SPRED1: variants seen among roughly 807,000 people sequenced by gnomAD.
SPRED1 encodes the protein sprouty-related, EVH1 domain-containing protein 1.
A neutral mutation model predicts 52.3 loss-of-function variants in SPRED1; 18 were observed. That is an observed-to-expected ratio of 0.34 (90% CI 0.24 to 0.51). The LOEUF is 0.51. SPRED1 is among the 20% of genes least tolerant of loss of function. The probability of loss-of-function intolerance (pLI) is 0.97; values close to 1 mark genes in which losing one functional copy is unlikely to be tolerated. For synonymous variants in SPRED1, 155 were observed against 179.7 expected (o/e 0.86, Z 1.10); for missense variants, 485 against 551.0 (o/e 0.88, Z 1.20).
In SPRED1 at chr15:38,351,268, G is replaced by T. The variant is rs140644874; in HGVS notation, c.939G>T (p.Thr313=). The change falls in exon 7 of 7, where the codon ACG becomes ACT. Residue 313 remains threonine (T), a synonymous_variant. Transcript: ENST00000299084. ...SSPKDSVVFK[T]QPSSLKIKKS... ...CCAAAGACTCTGTGGTATTTAAGAC[G>T]CAGCCTTCCTCATTAAAAATTAAGA... The T allele has an allele frequency of 1.1e-5, 18 of 1,613,974 alleles. No individual in the cohort carries two copies. The highest frequency in any genetic ancestry group is 1.6e-4 in the Middle Eastern group (1 of 6,084).
intron 1 of SPRED1, among the ~76,000 whole-genome samples, chr15:38,271,090 T>C (rs1894424288): frequency 6.6e-6 from 1 of 152,190 alleles, no homozygotes; most frequent in South Asian, 2.1e-4. Context: ...ACTTAATAAT[T>C]ATTGAGCGAC....
At chr15:38,273,058 G>C (rs1222454744) in intron 1 of SPRED1, among the ~76,000 whole-genome samples, 1 of 151,930 alleles carries the variant, frequency 6.6e-6, no homozygotes. Flanking sequence ...CAATTTTTTT[G>C]TTACAATTGC....
intron 4 of SPRED1, among the ~76,000 whole-genome samples, chr15:38,337,838 C>T (rs1227047532): frequency 6.6e-6 from 1 of 151,736 alleles, no homozygotes; most frequent in Non-Finnish European, 1.5e-5. Flanking sequence ...ACTGATACTA[C>T]TCCTAAAACT....
intron 1 of SPRED1, among the ~76,000 whole-genome samples, chr15:38,270,088 A>C (rs1566849599): frequency 6.6e-6 from 1 of 151,686 alleles, no homozygotes; most frequent in Non-Finnish European, 1.5e-5. Flanking sequence ...TGTATTTTTA[A>C]TAGAGACGGG....
chr15:38,340,531 A>C (rs1283194593), intron 5 of SPRED1, among the ~76,000 whole-genome samples: 3 of 151,024 alleles, frequency 2.0e-5, no homozygotes, highest in Non-Finnish European at 4.4e-5. Context: ...CTTTCTTATA[A>C]TTTTTTTTTC....
intron 1 of SPRED1, among the ~76,000 whole-genome samples, chr15:38,291,620 T>G (rs897916847): frequency 4.6e-5 from 7 of 152,256 alleles, no homozygotes; most frequent in Non-Finnish European, 7.3e-5. Flanking sequence ...TTGACTTCTG[T>G]GCACCCACAG....
chr15:38,304,796 G>A (rs1895217026), intron 2 of SPRED1, among the ~76,000 whole-genome samples: 2 of 151,808 alleles, frequency 1.3e-5, no homozygotes, highest in African/African-American at 2.4e-5. Context: ...CCCTCCTACT[G>A]CTCTTCAATT....
Position 38,253,086 on chromosome 15 carries a change from G to C in SPRED1, c.-100G>C. On this transcript the variant is annotated 5_prime_UTR_variant, in exon 1 of 7. Coordinates refer to ENST00000299084, the MANE Select transcript of SPRED1 (RefSeq NM_152594.3). ...GAGGCCCCTGTGCCGCTGCCCCCGC[G>C]CCCCCCCGGCCGCCGCTGCCTCCTG... is the stretch of plus-strand genomic sequence containing the variant. 1 of 999,210 alleles carries C rather than the reference G, an allele frequency of 1.0e-6. No homozygotes were observed. Among genetic ancestry groups the C allele is most frequent in the South Asian group, 1.4e-5 (1 of 73,096 alleles). 61.9% of individuals were successfully genotyped at this position (999,210 alleles called of 1,614,324 possible).
intron 1 of SPRED1, among the ~76,000 whole-genome samples, chr15:38,293,835 A>G (rs770135127): frequency 2.6e-5 from 4 of 152,092 alleles, no homozygotes; most frequent in Non-Finnish European, 4.4e-5. Flanking sequence ...TACTTGTGTC[A>G]TGCTCTCTCT....
chr15:38,297,309 T>C (rs1301942616), intron 1 of SPRED1, among the ~76,000 whole-genome samples: 1 of 152,240 alleles, frequency 6.6e-6, no homozygotes, highest in Non-Finnish European at 1.5e-5. Context: ...AGGAACATCT[T>C]ACAAGATTCT....
chr15:38,340,785 T>C (rs11073318), intron 5 of SPRED1, among the ~76,000 whole-genome samples: 125,267 of 152,138 alleles, frequency 0.82, 52,384 homozygotes, highest in Non-Finnish European at 0.9. Flanking sequence ...CCGCCTCAGC[T>C]TCCCAAAGTG....
chr15:38,277,285 A>G (rs1463710223), intron 1 of SPRED1, among the ~76,000 whole-genome samples: 3 of 152,130 alleles, frequency 2.0e-5, no homozygotes, highest in Non-Finnish European at 4.4e-5. Context: ...CCCACCCTCA[A>G]GTAGGCCCTG....
Position 38,351,957 on chromosome 15 carries a change from T to C in SPRED1, c.*293T>C, listed in dbSNP as rs1029867136. 5 of 446,982 alleles carry C rather than the reference T, an allele frequency of 1.1e-5. No individual in the cohort carries two copies. The highest frequency in any genetic ancestry group is 9.9e-5 in the African/African-American group (5 of 50,576). 27.7% of individuals were successfully genotyped at this position (446,982 alleles called of 1,614,324 possible). A position where few individuals can be genotyped will look rare whatever the true frequency, so the allele number is the denominator to read the frequency against. ...TGATCCAACTAAAAGGGATTAATTT[T>C]TGGCATTTTTGTATATTTATGCATT... On this transcript the variant is annotated 3_prime_UTR_variant, in exon 7 of 7. Transcript: ENST00000299084.
intron 4 of SPRED1, among the ~76,000 whole-genome samples, chr15:38,331,141 G>T (rs1895797866): frequency 6.6e-6 from 1 of 150,986 alleles, no homozygotes; most frequent in South Asian, 2.1e-4. Context: ...TCTTACACCA[G>T]CAGCTGAGAG....
chr15:38,317,257 T>C (rs1218285134), intron 2 of SPRED1, among the ~76,000 whole-genome samples: 3 of 151,986 alleles, frequency 2.0e-5, no homozygotes, highest in Non-Finnish European at 2.9e-5. Flanking sequence ...CTTCTGGCAA[T>C]GGCCTTTAGG....
At chr15:38,284,156 T>C (rs1002198769) in intron 1 of SPRED1, among the ~76,000 whole-genome samples, 3 of 152,188 alleles carry the variant, frequency 2.0e-5, no homozygotes, top group African/African-American at 7.2e-5. Context: ...TTTATACTAT[T>C]TGGAAGTCTT....
chr15:38,284,521 A>G (rs1894763229), intron 1 of SPRED1, among the ~76,000 whole-genome samples: 1 of 152,156 alleles, frequency 6.6e-6, no homozygotes, highest in South Asian at 2.1e-4. Flanking sequence ...TTAGCAATAC[A>G]GAGATTTTAC....
intron 1 of SPRED1, among the ~76,000 whole-genome samples, chr15:38,285,278 C>A (rs1894781688): frequency 6.6e-6 from 1 of 152,110 alleles, no homozygotes; most frequent in Non-Finnish European, 1.5e-5. Context: ...AAACAAAGAT[C>A]TTTGAGTTTT....
intron 1 of SPRED1, among the ~76,000 whole-genome samples, chr15:38,277,164 G>A (rs959182664): frequency 1.3e-4 from 20 of 152,100 alleles, no homozygotes. Context: ...ACACGTGCAG[G>A]TTTGTTATAT....
Sources: gnomAD v4.1 joint callset for allele counts (sites outside exome capture counted in the v4.1 genomes callset) on GRCh38, gnomAD v4.1.1 for gene constraint, MANE v1.5 for transcripts, NCBI Gene and HGNC (gene_info 2026-07-23, HGNC 2026-07-21) for gene names.